Variants in RAB11FIP1 observed in about 807,000 individuals in gnomAD.
The protein encoded by RAB11FIP1 is RAB11 family interacting protein 1, also known as rab11 family-interacting protein 1.
In RAB11FIP1, 49 loss-of-function variants were observed where a neutral mutation model predicts 83.1. That is an observed-to-expected ratio of 0.59 (90% CI 0.47 to 0.75). The LOEUF (loss-of-function observed/expected upper bound fraction) is 0.75, where lower values mean the gene tolerates loss of function less well. Ranked by LOEUF, RAB11FIP1 falls within the 30% of genes least tolerant of loss-of-function variation. The pLI is 0.00. For missense variants in RAB11FIP1, 1,536 were observed against 1,598.7 expected, an observed-to-expected ratio of 0.96 and a Z score of 0.67; for synonymous variants, 670 against 656.0, an observed-to-expected ratio of 1.02 and a Z score of -0.33.
intron 5 of RAB11FIP1, among the ~76,000 whole-genome samples, chr8:37,867,323 G>A (rs1806359007): frequency 6.6e-6 from 1 of 152,202 alleles, no homozygotes; most frequent in Non-Finnish European, 1.5e-5. Context: ...TTAGGCTAGG[G>A]CCGAAATGTA....
intron 1 of RAB11FIP1, among the ~76,000 whole-genome samples, chr8:37,894,697 AATACATATAT>A (rs1359788818): frequency 6.9e-6 from 1 of 144,086 alleles, no homozygotes; most frequent in African/African-American, 2.7e-5. Flanking sequence ...TATATACATA[AATACATATAT>A]ATACATATAT....
intron 1 of RAB11FIP1, among the ~76,000 whole-genome samples, chr8:37,898,268 T>C (rs867711058): frequency 3.3e-5 from 5 of 152,048 alleles, no homozygotes; most frequent in Admixed American, 6.5e-5. Flanking sequence ...CCCAATACTT[T>C]GGGAGGCCGA....
chr8:37,897,425 C>A (rs958819808), intron 1 of RAB11FIP1, among the ~76,000 whole-genome samples: 1 of 149,356 alleles, frequency 6.7e-6, no homozygotes, highest in African/African-American at 2.5e-5. Flanking sequence ...AACTGACTGG[C>A]CTGTGTATTT....
chr8:37,869,555 G>A (rs1300591545), intron 5 of RAB11FIP1, among the ~76,000 whole-genome samples: 1 of 151,972 alleles, frequency 6.6e-6, no homozygotes, highest in Admixed American at 6.6e-5. Context: ...TTGCACCACT[G>A]CACTCCAGCC....
At chr8:37,874,369 G>A in intron 3 of RAB11FIP1, 146 bp downstream of exon 3, 1 of 673,678 alleles carries the variant, frequency 1.5e-6, no homozygotes, top group Non-Finnish European at 2.5e-6. Context: ...AGTAGGGACT[G>A]GTTAAAAAAA....
At chr8:37,895,267 T>A (rs1254741063) in intron 1 of RAB11FIP1, among the ~76,000 whole-genome samples, 478 of 23,632 alleles carry the variant, frequency 0.02, no homozygotes, top group African/African-American at 0.025. Flanking sequence ...ATATTTTTTT[T>A]TTTTTTTTTT....
At chr8:37,898,651 CAAAA>C (rs746280491) in intron 1 of RAB11FIP1, among the ~76,000 whole-genome samples, 11 of 91,522 alleles carry the variant, frequency 1.2e-4, no homozygotes, top group African/African-American at 4.2e-4. Flanking sequence ...GACTCAGTCT[CAAAA>C]AAAAAAAAAA....
chr8:37,863,008 G>A lies in RAB11FIP1; in HGVS notation c.3739C>T (p.Gln1247Ter). ...ATGTAGTCTTCCAGCTCGCGGACCTGGAACTCCTTCTTGCTTATCGTTTCC... is the reference window on the plus strand; with the variant it reads ...ATGTAGTCTTCCAGCTCGCGGACCTAGAACTCCTTCTTGCTTATCGTTTCC... ...QKETISKKEF[Q>*]VRELEDYIDN... Residue 1247 changes from glutamine to a stop codon, truncating the protein, a stop_gained, in exon 6 of 6, where the codon CAG becomes TAG. Transcript: ENST00000330843. LOFTEE classifies it high-confidence loss of function. 1 of 1,613,776 alleles carries A rather than the reference G, an allele frequency of 6.2e-7. No homozygotes were observed. The highest frequency in any genetic ancestry group is 1.1e-5 in the South Asian group (1 of 91,044).
rs753129614 is a variant in RAB11FIP1 at position 37,871,695 on chromosome 8, T to G, written c.3107A>C (p.Gln1036Pro). Residue 1036 changes from glutamine to proline, a missense_variant, in exon 4 of 6, where the codon CAG (glutamine) becomes CCG (proline). Coordinates refer to ENST00000330843, the MANE Select transcript of RAB11FIP1 (RefSeq NM_001002814.3). ...GLCDFRLQAP[Q>P]ASVTAPSEQT... The stretch of plus-strand genomic sequence containing the variant: ...CTCTGAAGGAGCTGTCACAGATGCC[T>G]GGGGTGCTTGCAGCCTGAAATCACA... 1 of 1,613,832 alleles carries G rather than the reference T, an allele frequency of 6.2e-7. No homozygotes were observed. The highest frequency in any genetic ancestry group is 1.1e-5 in the South Asian group (1 of 91,084).
rs762239921 is a variant in RAB11FIP1 at position 37,871,980 on chromosome 8, A to T, written c.2822T>A (p.Leu941His). The change falls in exon 4 of 6, where the codon CTT (leucine) becomes CAT (histidine). Residue 941 changes from leucine (L) to histidine (H), a missense_variant. By Grantham distance (99) the Leu-to-His change is moderately conservative. Coordinates refer to ENST00000330843, the MANE Select transcript of RAB11FIP1 (RefSeq NM_001002814.3). Reference sequence around the variant, plus strand: ...AGATTTAAAATCTGAGACCAACTGAAGGTCACTCAAGGGGTCAGACAATAA... The same window carrying T: ...AGATTTAAAATCTGAGACCAACTGATGGTCACTCAAGGGGTCAGACAATAA... ...EGLLSDPLSD[L>H]QLVSDFKSPI... The T allele has an allele frequency of 1.4e-5, 22 of 1,614,058 alleles. No individual in the cohort carries two copies. Among genetic ancestry groups the T allele is most frequent in the Non-Finnish European group, 1.9e-5 (22 of 1,180,038 alleles).
At chr8:37,873,585 G>A (rs549931946) in intron 3 of RAB11FIP1, among the ~76,000 whole-genome samples, 3 of 151,880 alleles carry the variant, frequency 2.0e-5, no homozygotes, top group South Asian at 2.1e-4. Context: ...CAGCCTGGGC[G>A]ATAGAGGGAG....
intron 1 of RAB11FIP1, among the ~76,000 whole-genome samples, chr8:37,895,783 C>T (rs1276602007): frequency 6.6e-6 from 1 of 152,094 alleles, no homozygotes; most frequent in Non-Finnish European, 1.5e-5. Context: ...TAGCTCTTAA[C>T]TCCTTGAGTT....
rs1806499991 is a variant in RAB11FIP1, at chr8:37,872,629, C to T, written c.2173G>A (p.Glu725Lys). The T allele has an allele frequency of 6.2e-7, 1 of 1,614,076 alleles. No homozygotes were observed. The highest frequency in any genetic ancestry group is 1.3e-5 in the African/African-American group (1 of 74,918). The change falls in exon 4 of 6, where the codon GAA becomes AAA. Residue 725 changes from glutamate (E) to lysine (K), a missense_variant. Transcript: ENST00000330843. ...CTGAGTGAAAGGGCAAACGGTACTTCCTGGGCTTCTCCAGATGATGGGCTG... is the reference window on the plus strand; with the variant it reads ...CTGAGTGAAAGGGCAAACGGTACTTTCTGGGCTTCTCCAGATGATGGGCTG... Reference protein sequence around the residue: ...DYSPSSGEAQEVPFALSLSSD... With the variant: ...DYSPSSGEAQKVPFALSLSSD...
chr8:37,881,866 C>T (rs112012454), intron 1 of RAB11FIP1, among the ~76,000 whole-genome samples: 1 of 152,102 alleles, frequency 6.6e-6, no homozygotes, highest in Non-Finnish European at 1.5e-5. Flanking sequence ...ATACATTTTC[C>T]AGGGCCTGGC....
rs1313577469 is a variant in RAB11FIP1 at position 37,877,144 on chromosome 8, T to C, written c.779A>G (p.Asp260Gly). 1 of 1,614,066 alleles carries C rather than the reference T, an allele frequency of 6.2e-7. No homozygotes were observed. The highest frequency in any genetic ancestry group is 1.1e-5 in the South Asian group (1 of 91,078). The change falls in exon 2 of 6, where the codon GAT becomes GGT. Residue 260 changes from aspartate to glycine, a missense_variant. Coordinates refer to ENST00000330843, the MANE Select transcript of RAB11FIP1 (RefSeq NM_001002814.3). ...PGDFQSQWDE[D>G]DNEDESSSAS... ...CGAGGAGGACTCATCCTCATTGTCATCTTCATCCCACTGGGACTGAAAGTC... is the reference window on the plus strand; with the variant it reads ...CGAGGAGGACTCATCCTCATTGTCACCTTCATCCCACTGGGACTGAAAGTC...
Position 37,871,928 on chromosome 8 carries a change from G to A in RAB11FIP1, c.2874C>T (p.Ser958=), listed in dbSNP as rs1292938167. 1 of 1,614,048 alleles carries A rather than the reference G, an allele frequency of 6.2e-7. No homozygotes were observed. The highest frequency in any genetic ancestry group is 1.7e-5 in the Admixed American group (1 of 59,994). ...ATGCGACTTCAGGAATGGAAGGAAG[G>A]CTTAAGTTCAGATCGGCCATGATTG... ...KSPIMADLNL[S]LPSIPEVASD... is the part of the protein sequence containing the mutation. Residue 958 remains serine (S), a synonymous_variant, in exon 4 of 6, where the codon AGC becomes AGT. Transcript: ENST00000330843.
intron 1 of RAB11FIP1, among the ~76,000 whole-genome samples, chr8:37,885,112 G>A (rs1397202032): frequency 2.7e-5 from 4 of 150,420 alleles, no homozygotes; most frequent in East Asian, 2.0e-4. Context: ...CTCCTGTCTC[G>A]GCCTCCTGAG....
At chr8:37,890,610 ATT>A (rs1806928503) in intron 1 of RAB11FIP1, among the ~76,000 whole-genome samples, 1 of 152,074 alleles carries the variant, frequency 6.6e-6, no homozygotes, top group Non-Finnish European at 1.5e-5. Context: ...CACAGGCATC[ATT>A]AGCCAGCAAG....
At chr8:37,892,987 C>G (rs1253579159) in intron 1 of RAB11FIP1, among the ~76,000 whole-genome samples, 1 of 152,100 alleles carries the variant, frequency 6.6e-6, no homozygotes, top group Non-Finnish European at 1.5e-5. Flanking sequence ...AAATCATGTC[C>G]TTCCTGCCCT....
Sources: allele counts gnomAD v4.1 joint callset (sites outside exome capture counted in the v4.1 genomes callset), GRCh38; gene constraint gnomAD v4.1.1; transcripts MANE v1.5; gene names NCBI Gene and HGNC (gene_info 2026-07-23, HGNC 2026-07-21).